STXBP5L: variants seen among roughly 807,000 people sequenced by gnomAD.
The protein encoded by STXBP5L is syntaxin binding protein 5L.
In STXBP5L, 65 loss-of-function variants were observed where a neutral mutation model predicts 144.5. That is an observed-to-expected ratio of 0.45 (90% CI 0.37 to 0.55). The LOEUF (loss-of-function observed/expected upper bound fraction) is 0.55, where lower values mean the gene tolerates loss of function less well. STXBP5L is among the 20% of genes least tolerant of loss of function. The pLI, the probability that STXBP5L is intolerant of heterozygous loss-of-function variation, is 0.00. For synonymous variants in STXBP5L, 505 were observed against 469.6 expected (o/e 1.08, Z -0.97); for missense variants, 1,298 against 1,405.5 (o/e 0.92, Z 1.22).
Position 121,407,414 on chromosome 3 carries a change from T to A in STXBP5L, c.2759T>A (p.Ile920Lys). 6.2e-7 allele frequency: 1 copy of A among 1,613,090 alleles called. No homozygotes were observed. Among genetic ancestry groups the A allele is most frequent in the Non-Finnish European group, 8.5e-7 (1 of 1,179,362 alleles). The part of the protein sequence containing the change: ...VMNSSSASQE[I>K]GDHQYTIICS... ...AACTCATCTTCTGCATCCCAAGAAATAGGAGATCATCAGTATACAATAATC... is the reference window on the plus strand; with the variant it reads ...AACTCATCTTCTGCATCCCAAGAAAAAGGAGATCATCAGTATACAATAATC... Residue 920 changes from isoleucine (I) to lysine (K), a missense_variant, in exon 23 of 27, where the codon ATA becomes AAA. Coordinates refer to ENST00000471454, the MANE Select transcript of STXBP5L (RefSeq NM_001308330.2).
chr3:121,121,565 T>C, intron 6 of STXBP5L, 76 bp from the exon 7 acceptor site: 1 of 1,041,540 alleles, frequency 9.6e-7, no homozygotes. Flanking sequence ...GTAATCTTAA[T>C]TTCTTTGTTT....
At chr3:121,197,182 G>C (rs116149544) in intron 9 of STXBP5L, among the ~76,000 whole-genome samples, 2 of 151,914 alleles carry the variant, frequency 1.3e-5, no homozygotes, top group African/African-American at 4.8e-5. Context: ...GATTCCTTAC[G>C]GCTGCTATTT....
chr3:121,022,630 A>G (rs1226313082), intron 3 of STXBP5L, among the ~76,000 whole-genome samples: 3 of 152,202 alleles, frequency 2.0e-5, no homozygotes, highest in South Asian at 4.1e-4. Flanking sequence ...AGTGTGATAT[A>G]CCACATAAAT....
chr3:120,927,039 G>T (rs187486966), intron 2 of STXBP5L, among the ~76,000 whole-genome samples: 1 of 151,332 alleles, frequency 6.6e-6, no homozygotes, highest in Admixed American at 6.6e-5. Context: ...AGGTTCAAGC[G>T]GTTCTCCTGC....
In STXBP5L at chr3:121,419,420, G is replaced by A; in HGVS notation, c.*323G>A. ...TTTGAAAATTCCTGTACAAACAAAAGCATTAATGCACTTAATGAAAAAAAA... is the reference window on the plus strand; with the variant it reads ...TTTGAAAATTCCTGTACAAACAAAAACATTAATGCACTTAATGAAAAAAAA... On this transcript the variant is annotated 3_prime_UTR_variant, in exon 27 of 27. Transcript: ENST00000471454. The A allele has an allele frequency of 9.6e-6, 2 of 207,824 alleles. No homozygotes were observed. Among genetic ancestry groups the A allele is most frequent in the Non-Finnish European group, 1.9e-5 (2 of 105,530 alleles). 12.9% of individuals were successfully genotyped at this position (207,824 alleles called of 1,614,324 possible). A position where few individuals can be genotyped will look rare whatever the true frequency, so the allele number is the denominator to read the frequency against.
intron 5 of STXBP5L, among the ~76,000 whole-genome samples, chr3:121,079,453 G>T (rs1322837901): frequency 2.0e-5 from 3 of 152,194 alleles, no homozygotes; most frequent in African/African-American, 7.2e-5. Flanking sequence ...CGAGAAGACA[G>T]GCTGTTAATA....
chr3:120,955,666 A>G (rs896651196), intron 3 of STXBP5L, among the ~76,000 whole-genome samples: 1 of 152,012 alleles, frequency 6.6e-6, no homozygotes, highest in Non-Finnish European at 1.5e-5. Context: ...CTTTGCTCCA[A>G]TTGTAGCATC....
intron 9 of STXBP5L, among the ~76,000 whole-genome samples, chr3:121,204,075 T>TA (rs1438274624): frequency 6.6e-6 from 1 of 152,032 alleles, no homozygotes; most frequent in Non-Finnish European, 1.5e-5. Flanking sequence ...CTGTCTCTAC[T>TA]AAAAATACAA....
chr3:121,339,821 A>T (rs1416030652), intron 20 of STXBP5L, among the ~76,000 whole-genome samples: 1 of 151,922 alleles, frequency 6.6e-6, no homozygotes, highest in Non-Finnish European at 1.5e-5. Context: ...AGCTGAAAAA[A>T]AAAAAAACTA....
intron 5 of STXBP5L, among the ~76,000 whole-genome samples, chr3:121,112,122 G>T (rs866132718): frequency 1.3e-5 from 2 of 152,126 alleles, no homozygotes; most frequent in Non-Finnish European, 2.9e-5. Flanking sequence ...ATTTATGGCT[G>T]CCACCCCTCC....
chr3:121,398,936 C>G (rs992083115), intron 22 of STXBP5L, among the ~76,000 whole-genome samples: 4 of 152,094 alleles, frequency 2.6e-5, no homozygotes, highest in Admixed American at 2.0e-4. Context: ...AGAGTGGTCG[C>G]TCGAGGCACT....
intron 3 of STXBP5L, among the ~76,000 whole-genome samples, chr3:121,004,134 C>G (rs1367772676): frequency 6.6e-6 from 1 of 152,110 alleles, no homozygotes; most frequent in African/African-American, 2.4e-5. Context: ...TATAAATTAC[C>G]TTGGGCAGTA....
intron 3 of STXBP5L, among the ~76,000 whole-genome samples, chr3:121,013,508 G>C (rs920410272): frequency 2.6e-5 from 4 of 151,894 alleles, no homozygotes; most frequent in African/African-American, 9.7e-5. Flanking sequence ...ATAAGTGTCT[G>C]TTCATGATCT....
intron 20 of STXBP5L, among the ~76,000 whole-genome samples, chr3:121,358,583 G>A (rs1402090141): frequency 6.6e-6 from 1 of 152,126 alleles, no homozygotes; most frequent in Non-Finnish European, 1.5e-5. Flanking sequence ...CCACCACCAT[G>A]ATTCAGTCAC....
chr3:121,190,723 G>A (rs1258357713), intron 9 of STXBP5L, among the ~76,000 whole-genome samples: 1 of 151,792 alleles, frequency 6.6e-6, no homozygotes, highest in African/African-American at 2.4e-5. Context: ...CCGGGCGGGG[G>A]CTGCCCCCCA....
chr3:121,008,638 T>C (rs1944534268), intron 3 of STXBP5L, among the ~76,000 whole-genome samples: 2 of 151,998 alleles, frequency 1.3e-5, no homozygotes. Flanking sequence ...CTTACAATGG[T>C]TTAAGAGGCT....
At chr3:121,336,809 T>C (rs1315170457) in intron 20 of STXBP5L, among the ~76,000 whole-genome samples, 1 of 152,170 alleles carries the variant, frequency 6.6e-6, no homozygotes, top group African/African-American at 2.4e-5. Context: ...CACGTGTGTA[T>C]TCATTGCAGC....
rs116483110 is a variant in STXBP5L, at chr3:121,019,490, A to G, written c.288-22210A>G. Among the ~76,000 whole-genome samples, 423 of 152,288 alleles carry G rather than the reference A, an allele frequency of 2.8e-3. 5 individuals are homozygous for G. Among genetic ancestry groups the G allele is most frequent in the African/African-American group, 9.8e-3 (406 of 41,568 alleles). Reference sequence around the variant, plus strand: ...CAAAACCAACACACTTACCAAAAATACAACCAAGGACCTTCACAGAGTCCA... The same window carrying G: ...CAAAACCAACACACTTACCAAAAATGCAACCAAGGACCTTCACAGAGTCCA... On this transcript the variant is annotated intron_variant, in intron 3 of 26. Transcript: ENST00000471454.
chr3:121,012,993 C>A (rs1190846721), intron 3 of STXBP5L, among the ~76,000 whole-genome samples: 1 of 149,594 alleles, frequency 6.7e-6, no homozygotes, highest in African/African-American at 2.5e-5. Context: ...TGGCCTCCAG[C>A]TGCATCCATG....
Sources: gnomAD v4.1 joint callset for allele counts (sites outside exome capture counted in the v4.1 genomes callset) on GRCh38, gnomAD v4.1.1 for gene constraint, MANE v1.5 for transcripts, NCBI Gene and HGNC (gene_info 2026-07-23, HGNC 2026-07-21) for gene names.